Variants in PRMT3 observed in about 807,000 individuals in gnomAD.
PRMT3 encodes protein arginine N-methyltransferase 3.
In PRMT3, 62 loss-of-function variants were observed where a neutral mutation model predicts 71.9. The ratio of observed to expected loss-of-function variants is 0.86; its 90% confidence interval spans 0.70 to 1.07. The LOEUF is 1.07. Among genes scored for constraint, PRMT3 ranks in the 50% least tolerant of loss-of-function variants. The pLI is 0.00. For synonymous variants in PRMT3, 213 were observed against 220.4 expected (o/e 0.97, Z 0.30); for missense variants, 663 against 643.0 (o/e 1.03, Z -0.34).
Position 20,395,847 on chromosome 11 carries a change from C to T in PRMT3, c.445C>T (p.Pro149Ser). 6.2e-7 allele frequency: 1 copy of T among 1,613,264 alleles called. No homozygotes were observed. Among genetic ancestry groups the T allele is most frequent in the Non-Finnish European group, 8.5e-7 (1 of 1,179,560 alleles). ...YEPVSVPFSY[P>S]NGLSENTSVV... ...ACCGGTGTCAGTACCCTTCTCATAC[C>T]CCAATGGACTCAGTGAAAATACATC... Residue 149 changes from proline to serine, a missense_variant, in exon 6 of 16, where the codon CCC becomes TCC. Physicochemically the swap from Pro to Ser is moderately conservative, Grantham distance 74. Transcript: ENST00000331079.
intron 10 of PRMT3, among the ~76,000 whole-genome samples, chr11:20,428,378 C>T (rs1450289429): frequency 1.3e-5 from 2 of 152,160 alleles, no homozygotes; most frequent in African/African-American, 4.8e-5. Flanking sequence ...AAAAGAAAGA[C>T]TTGTCCAAAC....
chr11:20,433,195 C>T (rs183084126), intron 10 of PRMT3, among the ~76,000 whole-genome samples: 1 of 151,952 alleles, frequency 6.6e-6, no homozygotes, highest in Admixed American at 6.6e-5. Flanking sequence ...TTTTACTCAT[C>T]TCCCTTCTCC....
chr11:20,493,819 G>T, intron 13 of PRMT3, 100 bp from the exon 14 acceptor site: 1 of 787,420 alleles, frequency 1.3e-6, no homozygotes, highest in East Asian at 2.7e-5. Context: ...TTTAGTCTCT[G>T]AAATGGTTTA....
rs559431532 is a variant in PRMT3, at chr11:20,428,621, G to A, written c.993+1756G>A. On this transcript the variant is annotated intron_variant, in intron 10 of 15. Transcript: ENST00000331079. ...GAATTCATGAGATTGTCTTTATGAT[G>A]TGAACTTTATTGAAAGTTGTACTGG... Among the ~76,000 whole-genome samples, 4 of 152,290 alleles carry A rather than the reference G, an allele frequency of 2.6e-5. No individual in the cohort carries two copies. In the East Asian group the frequency reaches 7.7e-4, roughly 29 times the overall value.
At chr11:20,389,860 T>G (rs1039043738) in intron 3 of PRMT3, 34 bp downstream of exon 3, 1 of 1,552,928 alleles carries the variant, frequency 6.4e-7, no homozygotes, top group African/African-American at 1.4e-5. Context: ...CAATTTAATT[T>G]GTGAAATTTG....
intron 2 of PRMT3, among the ~76,000 whole-genome samples, chr11:20,388,393 G>A (rs1848644108): frequency 6.6e-6 from 1 of 152,192 alleles, no homozygotes; most frequent in African/African-American, 2.4e-5. Flanking sequence ...TTGAATCTGT[G>A]GTTCCCAAAT....
At chr11:20,434,488 T>G (rs1849721402) in intron 10 of PRMT3, among the ~76,000 whole-genome samples, 1 of 152,156 alleles carries the variant, frequency 6.6e-6, no homozygotes, top group South Asian at 2.1e-4. Flanking sequence ...AGGTTGTCTT[T>G]CGGGGTTTTT....
At chr11:20,412,537 C>T (rs947664946) in intron 9 of PRMT3, among the ~76,000 whole-genome samples, 1 of 151,914 alleles carries the variant, frequency 6.6e-6, no homozygotes, top group Non-Finnish European at 1.5e-5. Context: ...CAATTTTTCA[C>T]GATTTTTTTT....
intron 9 of PRMT3, among the ~76,000 whole-genome samples, chr11:20,413,318 GT>G (rs1565201372): frequency 6.6e-6 from 1 of 152,156 alleles, no homozygotes; most frequent in East Asian, 1.9e-4. Context: ...TATCACTGCA[GT>G]TTACTGACTC....
intron 10 of PRMT3, among the ~76,000 whole-genome samples, chr11:20,443,314 A>G (rs941255324): frequency 2.0e-5 from 3 of 152,200 alleles, no homozygotes; most frequent in Non-Finnish European, 4.4e-5. Context: ...GGGTGACAGC[A>G]GATGAGACTG....
chr11:20,501,499 C>G (rs976117878), intron 15 of PRMT3, among the ~76,000 whole-genome samples: 1 of 152,030 alleles, frequency 6.6e-6, no homozygotes, highest in African/African-American at 2.4e-5. Flanking sequence ...TTCAAACTTA[C>G]CTTGGTGTGG....
rs369707919 is a variant in PRMT3 at position 20,424,352 on chromosome 11, G to A, written c.894-2414G>A. On this transcript the variant is annotated intron_variant, in intron 9 of 15. Transcript: ENST00000331079. The stretch of plus-strand genomic sequence containing the variant: ...GGCATAAGGATACACATCTAAATTT[G>A]GGGGCAGAATTGAAAGTCCAGAAAT... Among the ~76,000 whole-genome samples the A allele has an allele frequency of 9.3e-4, 141 of 152,272 alleles. 2 individuals are homozygous for A. Among genetic ancestry groups the A allele is most frequent in the South Asian group, 7.9e-3 (38 of 4,828 alleles).
At chr11:20,396,053 T>C (rs1017146191) in intron 6 of PRMT3, 91 bp downstream of exon 6, 10 of 1,143,728 alleles carry the variant, frequency 8.7e-6, no homozygotes, top group Admixed American at 4.9e-5. Flanking sequence ...ACATTTCATA[T>C]ACTGGAAAGT....
At chr11:20,471,885 G>A (rs556215172) in intron 13 of PRMT3, among the ~76,000 whole-genome samples, 50 of 152,046 alleles carry the variant, frequency 3.3e-4, no homozygotes, top group Non-Finnish European at 6.5e-4. Flanking sequence ...TTTGAGCAGT[G>A]GTTTGCAGTT....
chr11:20,437,278 CTT>C (rs769868216), intron 10 of PRMT3, among the ~76,000 whole-genome samples: 3 of 151,766 alleles, frequency 2.0e-5, no homozygotes, highest in Non-Finnish European at 4.4e-5. Context: ...CTGCTCTGAC[CTT>C]TGTTATTTCT....
In PRMT3 at chr11:20,392,929, C is replaced by T; in HGVS notation, c.330C>T (p.Tyr110=). The T allele has an allele frequency of 6.2e-7, 1 of 1,604,906 alleles. No homozygotes were observed. Among genetic ancestry groups the T allele is most frequent in the South Asian group, 1.1e-5 (1 of 90,808 alleles). ...NPTVEYMNSI[Y]NPVPWEKEEY... is the part of the protein sequence containing the mutation. ...CAGTTGAGTACATGAATTCCATATA[C>T]AACCCAGTGCCTTGGGAGAAAGAAG... The change falls in exon 5 of 16, where the codon TAC becomes TAT. Residue 110 remains tyrosine (Y), a synonymous_variant. Coordinates refer to ENST00000331079, the MANE Select transcript of PRMT3 (RefSeq NM_005788.4).
chr11:20,455,245 C>T (rs768245046), intron 11 of PRMT3, among the ~76,000 whole-genome samples: 1 of 152,076 alleles, frequency 6.6e-6, no homozygotes, highest in Non-Finnish European at 1.5e-5. Context: ...GTCAAATACT[C>T]CATCTCACAA....
intron 13 of PRMT3, among the ~76,000 whole-genome samples, chr11:20,486,114 TTA>T (rs1490473314): frequency 6.6e-6 from 1 of 152,200 alleles, no homozygotes; most frequent in Non-Finnish European, 1.5e-5. Flanking sequence ...AGACCATCTC[TTA>T]TATGATTCCA....
At chr11:20,392,351 G>GGA (rs1421643217) in intron 4 of PRMT3, 91 bp downstream of exon 4, 8 of 1,325,294 alleles carry the variant, frequency 6.0e-6, no homozygotes, top group Non-Finnish European at 8.2e-6. Context: ...AAGAATATGA[G>GGA]GAACTGCATT....
Sources: allele counts gnomAD v4.1 joint callset (sites outside exome capture counted in the v4.1 genomes callset), GRCh38; gene constraint gnomAD v4.1.1; transcripts MANE v1.5; gene names NCBI Gene and HGNC (gene_info 2026-07-23, HGNC 2026-07-21).